The following C3 variants were observed in gnomAD, a reference collection of about 807,000 sequenced individuals.
The protein encoded by C3 is complement C3.
In C3, 97 loss-of-function variants were observed where a neutral mutation model predicts 207.9. The observed-to-expected ratio is 0.47, with a 90% confidence interval of 0.40 to 0.55. C3 has a LOEUF of 0.55. Among genes scored for constraint, C3 ranks in the 20% least tolerant of loss-of-function variants. The pLI is 0.00. For synonymous variants in C3, 848 were observed against 857.6 expected (o/e 0.99, Z 0.20); for missense variants, 1,684 against 2,171.7 (o/e 0.78, Z 4.46).
At chr19:6,681,468 C>T (rs572938782) in intron 35 of C3, among the ~76,000 whole-genome samples, 36 of 151,526 alleles carry the variant, frequency 2.4e-4, no homozygotes, top group African/African-American at 8.7e-4. Flanking sequence ...ATCCCTTGAG[C>T]CCAGGAATTT....
At position 6,678,320 on chromosome 19, in the gene C3, CGT is replaced by C. The variant is rs766198136; in HGVS notation, c.4715-35_4715-34del. ...GGAGGGGAGAGGGAAGAAGCTGAGTCGTGGGGAGGAAGCCAGGGAAGAGCCAC... is the reference window on the plus strand; with the variant it reads ...GGAGGGGAGAGGGAAGAAGCTGAGTCGGGGAGGAAGCCAGGGAAGAGCCAC... On this transcript the variant is annotated intron_variant, in intron 39 of 40. Coordinates refer to ENST00000245907, the MANE Select transcript of C3 (RefSeq NM_000064.4). 5 of 1,613,952 alleles carry C rather than the reference CGT, an allele frequency of 3.1e-6. No individual in the cohort carries two copies. In the East Asian group the frequency reaches 1.1e-4, roughly 36 times the overall value.
At chr19:6,691,711 G>A (rs1293903815) in intron 26 of C3, among the ~76,000 whole-genome samples, 2 of 152,042 alleles carry the variant, frequency 1.3e-5, no homozygotes, top group Admixed American at 6.6e-5. Flanking sequence ...TAGGCCGGGC[G>A]CGGTGGCTCA....
Position 6,693,020 on chromosome 19 carries a change from T to A in C3, c.3294A>T (p.Gln1098His). ...LAVNLIAIDS[Q>H]VLCGAVKWLI... ...GCCATTTAACAGCCCCGCAGAGGAC[T>A]TGGGAGTCGATGGCGATGAGGTTGA... is the stretch of plus-strand genomic sequence containing the variant. Residue 1098 changes from glutamine to histidine, a missense_variant, in exon 26 of 41, where the codon CAA becomes CAT. This residue lies in a region of C3 where 1,280 missense variants were observed against 1,739.1 expected (regional missense o/e 0.74). Coordinates refer to ENST00000245907, the MANE Select transcript of C3 (RefSeq NM_000064.4). 6.2e-7 allele frequency: 1 copy of A among 1,614,126 alleles called. No homozygotes were observed. Among genetic ancestry groups the A allele is most frequent in the Non-Finnish European group, 8.5e-7 (1 of 1,180,018 alleles).
intron 4 of C3, among the ~76,000 whole-genome samples, chr19:6,715,046 T>G (rs1968003812): frequency 6.6e-6 from 1 of 152,168 alleles, no homozygotes; most frequent in Non-Finnish European, 1.5e-5. Flanking sequence ...GAGTAGGGGC[T>G]CATTTTTTCA....
Position 6,693,426 on chromosome 19 carries a change from C to A in C3, c.3216G>T (p.Arg1072=), listed in dbSNP as rs137880434. 3.1e-3 allele frequency: 5,043 copies of A among 1,611,068 alleles called. 14 individuals are homozygous for A. Among genetic ancestry groups the A allele is most frequent in the Non-Finnish European group, 4.1e-3 (4,826 of 1,179,056 alleles). The stretch of plus-strand genomic sequence containing the variant: ...TTGGGACTCACCAGGTGCTGGGTGC[C>A]CGTTTCACGAAGGCCGCAAAGGCAG... The part of the protein sequence containing the change: ...PSSAFAAFVK[R]APSTWLTAYV... The change falls in exon 25 of 41, where the codon CGG becomes CGT. Residue 1072 remains arginine (R), a synonymous_variant. Transcript: ENST00000245907.
intron 7 of C3, chr19:6,713,767 T>A (rs1599525216): frequency 6.7e-6 from 1 of 149,008 alleles, no homozygotes; most frequent in Non-Finnish European, 1.2e-5. Flanking sequence ...AGCCCCCACC[T>A]GACTCCACCC....
chr19:6,710,602 G>C lies in C3; in HGVS notation c.1686+37C>G, dbSNP rs748798544. Reference sequence around the variant, plus strand: ...AGAGAGAGAGAGAGAGGAGTAGGGAGAGGGAGAGGGGGCGAGCGAGCCCAG... The same window carrying C: ...AGAGAGAGAGAGAGAGGAGTAGGGACAGGGAGAGGGGGCGAGCGAGCCCAG... On this transcript the variant is annotated intron_variant, in intron 13 of 40. Transcript: ENST00000245907. 13 of 1,520,264 alleles carry C rather than the reference G, an allele frequency of 8.6e-6. No individual in the cohort carries two copies. The Admixed American group carries it at 2.1e-4, about 24-fold the overall frequency. The allele number at this position is 1,520,264 out of a possible 1,614,324, so 94.2% of individuals were successfully genotyped here. A position where few individuals can be genotyped will look rare whatever the true frequency, so the allele number is the denominator to read the frequency against.
At position 6,702,503 on chromosome 19, in the gene C3, G is replaced by C. The variant is rs780025099; in HGVS notation, c.2322C>G (p.Asn774Lys). Residue 774 changes from asparagine (N) to lysine (K), a missense_variant, in exon 18 of 41, where the codon AAC becomes AAG. Asn to Lys is a moderately conservative substitution (Grantham distance 94, BLOSUM62 0). This residue lies in a region of C3 where 1,280 missense variants were observed against 1,739.1 expected (regional missense o/e 0.74). Transcript: ENST00000245907. ...TCGGTGGCTCTTTCAAGTCCTCAAC[G>C]TTCCACAGCCAGCTCTCTGGGAACT... ...RSEFPESWLWNVEDLKEPPKN... is the reference protein window; with the variant it reads ...RSEFPESWLWKVEDLKEPPKN... 1 of 1,613,840 alleles carries C rather than the reference G, an allele frequency of 6.2e-7. No individual in the cohort carries two copies. Among genetic ancestry groups the C allele is most frequent in the Non-Finnish European group, 8.5e-7 (1 of 1,179,804 alleles).
chr19:6,712,257 C>A lies in C3; in HGVS notation c.1269G>T (p.Thr423=), dbSNP rs1967935248. 1 of 1,613,646 alleles carries A rather than the reference C, an allele frequency of 6.2e-7. No individual in the cohort carries two copies. Among genetic ancestry groups the A allele is most frequent in the Non-Finnish European group, 8.5e-7 (1 of 1,179,996 alleles). Residue 423 remains threonine, a splice_region_variant and synonymous_variant, in exon 11 of 41, where the codon ACG becomes ACT. Transcript: ENST00000245907. The part of the protein sequence containing the change: ...THPSQKPLSI[T]VRTKKQELSE... ...GTTCCGAGGCTGGGCCCAGACGCAC[C>A]GTGATGCTCAAGGGCTTCTGGCTGG...
intron 21 of C3, among the ~76,000 whole-genome samples, 182 bp downstream of exon 21, chr19:6,697,162 C>T (rs1403615934): frequency 6.6e-6 from 1 of 151,336 alleles, no homozygotes; most frequent in East Asian, 1.9e-4. Context: ...AGCCTGGGGT[C>T]ATCTCACTCA....
rs189955020 is a variant in C3 at position 6,713,449 on chromosome 19, G to A, written c.834C>T (p.Gly278=). The A allele has an allele frequency of 5.1e-5, 83 of 1,613,850 alleles. No individual in the cohort carries two copies. The East Asian group carries it at 1.3e-3, about 25-fold the overall frequency. ...ATTCAGGCAGGGAAATCCTCTGTTC[G>A]CCATCCTGGATCCCGAAGATGACAA... ...TAFVIFGIQD[G]EQRISLPESL... Residue 278 remains glycine (G), a synonymous_variant, in exon 8 of 41, where the codon GGC becomes GGT. Coordinates refer to ENST00000245907, the MANE Select transcript of C3 (RefSeq NM_000064.4).
At chr19:6,689,327 A>ACCTATCTCTCTCTCTCTCTCTCTCTC (rs1568213429) in intron 27 of C3, among the ~76,000 whole-genome samples, 6 of 49,720 alleles carry the variant, frequency 1.2e-4, no homozygotes, top group African/African-American at 6.6e-4. Context: ...CTCTCTACCT[A>ACCTATCTCTCTCTCTCTCTCTCTCTC]CCTCCCTCCC....
At chr19:6,683,625 G>C (rs554287431) in intron 33 of C3, among the ~76,000 whole-genome samples, 1 of 151,662 alleles carries the variant, frequency 6.6e-6, no homozygotes, top group South Asian at 2.1e-4. Context: ...TAATTTTTTT[G>C]TATTTTTAGT....
At chr19:6,702,833 A>C (rs189210449) in intron 17 of C3, 1 of 417,028 alleles carries the variant, frequency 2.4e-6, no homozygotes, top group African/African-American at 2.0e-5. Context: ...CAGGACTTTG[A>C]GACCAGCCTG....
intron 33 of C3, chr19:6,683,419 C>T (rs1325942879): frequency 6.8e-6 from 1 of 147,408 alleles, no homozygotes; most frequent in East Asian, 2.0e-4. Flanking sequence ...AATTTCATTT[C>T]CCTGTATCTT....
intron 4 of C3, 171 bp downstream of exon 4, chr19:6,717,923 T>TGTGTGCTGTGTGTGTGCAC: frequency 1.4e-6 from 1 of 725,414 alleles, no homozygotes; most frequent in East Asian, 2.6e-5. Flanking sequence ...TGTGTGTGCA[T>TGTGTGCTGTGTGTGTGCAC]GTTGTGTGCT....
At chr19:6,691,127 C>T (rs896965723) in intron 26 of C3, among the ~76,000 whole-genome samples, 5 of 150,634 alleles carry the variant, frequency 3.3e-5, no homozygotes, top group Non-Finnish European at 7.4e-5. Flanking sequence ...AATCTCGACT[C>T]CCTGCAACCT....
At chr19:6,678,056 G>A (rs1305144162) in intron 40 of C3, 33 bp from the exon 41 acceptor site, 1 of 1,614,032 alleles carries the variant, frequency 6.2e-7, no homozygotes, top group Non-Finnish European at 8.5e-7. Context: ...AGGAAGGGGC[G>A]TGGTGTGGGC....
rs1428683748 is a variant in C3, at chr19:6,684,827, T to A, written c.3977A>T (p.Glu1326Val). 8.7e-6 allele frequency: 14 copies of A among 1,614,098 alleles called. No homozygotes were observed. The highest frequency in any genetic ancestry group is 1.1e-5 in the Non-Finnish European group (13 of 1,180,032). ...AGCTGTGACTGTGAAACCCTCATTT[T>A]CCTTGGTCTGCAGAGTGAAAAGAGA... Reference protein sequence around the residue: ...ASLLRSEETKENEGFTVTAEG... With the variant: ...ASLLRSEETKVNEGFTVTAEG... The change falls in exon 31 of 41, where the codon GAA (glutamate) becomes GTA (valine). Residue 1326 changes from glutamate to valine, a missense_variant. This residue lies in a region of C3 where 1,280 missense variants were observed against 1,739.1 expected (regional missense o/e 0.74). Transcript: ENST00000245907.
Sources: gnomAD v4.1 joint callset for allele counts (sites outside exome capture counted in the v4.1 genomes callset) on GRCh38, gnomAD v4.1.1 for gene constraint, gnomAD v4.1.1 regional missense constraint, MANE v1.5 for transcripts, NCBI Gene and HGNC (gene_info 2026-07-23, HGNC 2026-07-21) for gene names.